The following CCDC171 variants were observed in gnomAD, a reference collection of about 807,000 sequenced individuals.
The protein encoded by CCDC171 is coiled-coil domain-containing protein 171.
CCDC171 carries 177 observed loss-of-function variants against 168.2 expected under a neutral mutation model. The ratio of observed to expected loss-of-function variants is 1.05; its 90% CI spans 0.93 to 1.19. The LOEUF (loss-of-function observed/expected upper bound fraction) is 1.19, where lower values mean the gene tolerates loss of function less well. Among genes scored for constraint, CCDC171 ranks in the 50% most tolerant of loss-of-function variants. The pLI is 0.00. For missense variants in CCDC171, 1,991 were observed against 1,539.0 expected (o/e 1.29, Z -4.91); for synonymous variants, 687 against 540.8 (o/e 1.27, Z -3.75).
At chr9:15,891,631 A>G (rs1214220139) in intron 24 of CCDC171, among the ~76,000 whole-genome samples, 2 of 152,182 alleles carry the variant, frequency 1.3e-5, no homozygotes, top group Admixed American at 1.3e-4. Flanking sequence ...GGCACTTCAA[A>G]TATAATCCAC....
intron 21 of CCDC171, among the ~76,000 whole-genome samples, chr9:15,798,692 A>G (rs2058674445): frequency 6.6e-6 from 1 of 152,098 alleles, no homozygotes; most frequent in Non-Finnish European, 1.5e-5. Context: ...TTATTAAAAT[A>G]TTGTCTGTGG....
the CCDC171 span, among the ~76,000 whole-genome samples, chr9:16,108,166 G>T: frequency 2.0e-5 from 3 of 152,232 alleles, no homozygotes; most frequent in East Asian, 5.8e-4. Flanking sequence ...AAAATTGGAG[G>T]CTACTTATGG....
In CCDC171 at chr9:15,564,232, G is replaced by C. The variant is rs76970866; in HGVS notation, c.41+103G>C. On this transcript the variant is annotated intron_variant, in intron 2 of 25. Coordinates refer to ENST00000380701, the MANE Select transcript of CCDC171 (RefSeq NM_173550.4). ...CTAACTGTAAGAATTCTCATGGGAT[G>C]GTAAGGGGAGTAGAAATTCTGTGGG... 7.4e-3 allele frequency: 5,752 copies of C among 777,438 alleles called. 245 individuals carry two copies. In the African/African-American group the frequency reaches 0.091, roughly 12 times the overall value. The allele number at this position is 777,438 out of a possible 1,614,324, so 48.2% of individuals were successfully genotyped here. A position where few individuals can be genotyped will look rare whatever the true frequency, so the allele number is the denominator to read the frequency against.
intron 24 of CCDC171, 91 bp from the exon 25 acceptor site, chr9:15,920,179 A>C: frequency 1.3e-6 from 1 of 751,438 alleles, no homozygotes; most frequent in Admixed American, 3.7e-5. Flanking sequence ...TTTATTTTAA[A>C]ATTTTAATGG....
At position 15,757,263 on chromosome 9, in the gene CCDC171, T is replaced by A. The variant is rs141953538; in HGVS notation, c.2671+11632T>A. On this transcript the variant is annotated intron_variant, in intron 18 of 25. Transcript: ENST00000380701. ...AAAAGTCTGATAGATATATGGACAA[T>A]AAGGTCCAGGCTGAGGTGGTCTCAG... Among the ~76,000 whole-genome samples, 276 of 152,280 alleles carry A rather than the reference T, an allele frequency of 1.8e-3. 3 individuals are homozygous for A. The East Asian group carries it at 0.036, about 20-fold the overall frequency.
At chr9:15,707,337 G>T (rs1263131026) in intron 11 of CCDC171, among the ~76,000 whole-genome samples, 1 of 152,164 alleles carries the variant, frequency 6.6e-6, no homozygotes, top group East Asian at 1.9e-4. Context: ...TTAATGCAAA[G>T]AATGCTTGTA....
chr9:15,749,094 T>C (rs34700988), intron 18 of CCDC171, among the ~76,000 whole-genome samples: 69,328 of 150,304 alleles, frequency 0.46, 16,220 homozygotes, highest in Non-Finnish European at 0.5. Context: ...GAGATGCACA[T>C]AGGCTCAAAA....
At chr9:15,883,392 A>G (rs1365381958) in intron 24 of CCDC171, among the ~76,000 whole-genome samples, 2 of 151,938 alleles carry the variant, frequency 1.3e-5, no homozygotes, top group African/African-American at 4.8e-5. Context: ...GTAATAAGGT[A>G]TTTTCTGTAT....
chr9:16,102,097 A>C, the CCDC171 span, among the ~76,000 whole-genome samples: 1 of 152,226 alleles, frequency 6.6e-6, no homozygotes, highest in Non-Finnish European at 1.5e-5. Flanking sequence ...TCCAGCGTAC[A>C]CTTACAGGGG....
chr9:16,105,662 G>A, the CCDC171 span, among the ~76,000 whole-genome samples: 2 of 152,138 alleles, frequency 1.3e-5, no homozygotes, highest in Non-Finnish European at 2.9e-5. Context: ...TAAAGGAAAA[G>A]CAATACTGAC....
At chr9:15,758,948 G>C (rs988772562) in intron 18 of CCDC171, among the ~76,000 whole-genome samples, 2 of 152,072 alleles carry the variant, frequency 1.3e-5, no homozygotes, top group Non-Finnish European at 2.9e-5. Context: ...CCCAGTCTCG[G>C]GTATGTCTTT....
chr9:16,052,205 C>G (rs1381859167), intron 1 of CCDC171, among the ~76,000 whole-genome samples: 1 of 152,194 alleles, frequency 6.6e-6, no homozygotes, highest in Non-Finnish European at 1.5e-5. Flanking sequence ...TTCTTTGTCT[C>G]AGTCCAAGTA....
At chr9:15,915,926 A>G (rs1172685861) in intron 24 of CCDC171, among the ~76,000 whole-genome samples, 3 of 152,088 alleles carry the variant, frequency 2.0e-5, no homozygotes, top group Non-Finnish European at 4.4e-5. Context: ...GTTGATTTAC[A>G]TATATTGAAC....
At chr9:15,774,434 TAATAAAAAAA>T (rs981720118) in intron 18 of CCDC171, among the ~76,000 whole-genome samples, 5 of 151,466 alleles carry the variant, frequency 3.3e-5, no homozygotes, top group African/African-American at 1.2e-4. Flanking sequence ...AGAATGGCCA[TAATAAAAAAA>T]AATAAAAAAT....
chr9:15,553,780 A>G (rs1176884210), intron 1 of CCDC171, among the ~76,000 whole-genome samples: 1 of 152,216 alleles, frequency 6.6e-6, no homozygotes, highest in East Asian at 1.9e-4. Flanking sequence ...AATCTGAGTC[A>G]GCTGTGCGTT....
chr9:15,737,193 T>C (rs2054553183), intron 16 of CCDC171, among the ~76,000 whole-genome samples: 1 of 152,038 alleles, frequency 6.6e-6, no homozygotes, highest in South Asian at 2.1e-4. Flanking sequence ...AAACTATATA[T>C]GTTATATACC....
intron 6 of CCDC171, among the ~76,000 whole-genome samples, chr9:15,614,097 C>G (rs1172465834): frequency 6.6e-6 from 1 of 152,176 alleles, no homozygotes; most frequent in Non-Finnish European, 1.5e-5. Flanking sequence ...TCTGCCTTAG[C>G]CTTTGCTTCC....
the CCDC171 span, among the ~76,000 whole-genome samples, chr9:16,097,311 G>T: frequency 2.0e-5 from 3 of 152,186 alleles, no homozygotes; most frequent in Non-Finnish European, 4.4e-5. Context: ...ACAATCTAAG[G>T]GTGGATGGTT....
intron 3 of CCDC171, among the ~76,000 whole-genome samples, chr9:15,993,373 G>C (rs1832265237): frequency 6.6e-6 from 1 of 152,090 alleles, no homozygotes; most frequent in Non-Finnish European, 1.5e-5. Context: ...AATGGTGCTG[G>C]GAAAACTGGA....
Sources: gnomAD v4.1 joint callset for allele counts (sites outside exome capture counted in the v4.1 genomes callset) on GRCh38, gnomAD v4.1.1 for gene constraint, MANE v1.5 for transcripts, NCBI Gene and HGNC (gene_info 2026-07-23, HGNC 2026-07-21) for gene names.